PSD3: variants seen among roughly 807,000 people sequenced by gnomAD.
PSD3 encodes the protein PH and SEC7 domain-containing protein 3.
A neutral mutation model predicts 105.5 loss-of-function variants in PSD3; 49 were observed. The ratio of observed to expected loss-of-function variants is 0.46; its 90% CI spans 0.37 to 0.59. PSD3 has a LOEUF of 0.59. Ranked by LOEUF, PSD3 falls within the 20% of genes least tolerant of loss-of-function variation. PSD3 has a pLI of 0.00. For missense variants in PSD3, 1,561 were observed against 1,263.8 expected (o/e 1.24, Z -3.57); for synonymous variants, 557 against 457.8 (o/e 1.22, Z -2.77).
Position 18,868,044 on chromosome 8 carries a change from T to C in PSD3, c.1264A>G (p.Lys422Glu), listed in dbSNP as rs767886463. The C allele has an allele frequency of 3.1e-6, 5 of 1,609,894 alleles. No homozygotes were observed. In the East Asian group the frequency reaches 8.9e-5, roughly 29 times the overall value. The change falls in exon 4 of 16, where the codon AAG becomes GAG. Residue 422 changes from lysine (K) to glutamate (E), a missense_variant. By Grantham distance (56) the Lys-to-Glu change is moderately conservative (BLOSUM62 1). Transcript: ENST00000327040. ...ERISEQEEHV[K>E]GEDEDILGPG... ...CCAAGGATGTCTTCATCTTCCCCCT[T>C]AACGTGCTCCTCTTGTTCGCTGATC... is the stretch of plus-strand genomic sequence containing the variant.
At chr8:18,927,064 A>G (rs1821414530) in intron 2 of PSD3, among the ~76,000 whole-genome samples, 1 of 152,098 alleles carries the variant, frequency 6.6e-6, no homozygotes, top group South Asian at 2.1e-4. Flanking sequence ...GCTTATTATA[A>G]AGGGTATTAC....
At chr8:18,850,493 C>G (rs1355281423) in intron 4 of PSD3, among the ~76,000 whole-genome samples, 1 of 152,156 alleles carries the variant, frequency 6.6e-6, no homozygotes, top group Non-Finnish European at 1.5e-5. Context: ...ACCCTGTCAC[C>G]CTTAAGAGAT....
chr8:18,943,472 T>C (rs1339540888), intron 1 of PSD3, among the ~76,000 whole-genome samples: 2 of 152,068 alleles, frequency 1.3e-5, no homozygotes, highest in East Asian at 3.9e-4. Flanking sequence ...GCAAATGATC[T>C]AGTGATAACT....
intron 4 of PSD3, among the ~76,000 whole-genome samples, chr8:18,846,700 A>G (rs550449659): frequency 1.3e-5 from 2 of 152,338 alleles, no homozygotes; most frequent in East Asian, 3.9e-4. Context: ...CTGCCTGGAT[A>G]GAAGTTGCAG....
Position 18,865,286 on chromosome 8 carries a change from A to ATTTTT in PSD3, c.1634+2383_1634+2387dup, listed in dbSNP as rs375872604. The ATTTTT allele has an allele frequency of 2.7e-3, 38 of 14,104 alleles. 6 individuals are homozygous for ATTTTT. Among genetic ancestry groups the ATTTTT allele is most frequent in the South Asian group, 4.4e-3 (1 of 228 alleles). The allele number at this position is 14,104 out of a possible 1,614,324, so 0.9% of individuals were successfully genotyped here. On this transcript the variant is annotated intron_variant, in intron 4 of 15. Transcript: ENST00000327040. ...TATATATATATATATATATATATAT[A>ATTTTT]TTTTTTTTTTTTTTTTTTTTTTTAA...
intron 11 of PSD3, among the ~76,000 whole-genome samples, chr8:18,622,441 C>G (rs1806182015): frequency 6.6e-6 from 1 of 152,156 alleles, no homozygotes; most frequent in Admixed American, 6.5e-5. Flanking sequence ...TTGTGCTGTG[C>G]TAGATGAGAA....
intron 1 of PSD3, among the ~76,000 whole-genome samples, chr8:18,959,164 G>T (rs576812776): frequency 6.6e-6 from 1 of 152,058 alleles, no homozygotes; most frequent in African/African-American, 2.4e-5. Flanking sequence ...CAAGTGACCC[G>T]CCCGACTCGG....
At chr8:18,777,198 A>G (rs2129444934) in intron 8 of PSD3, among the ~76,000 whole-genome samples, 1 of 151,904 alleles carries the variant, frequency 6.6e-6, no homozygotes, top group East Asian at 1.9e-4. Context: ...ATGCACCACC[A>G]CGCCCAGCTA....
intron 4 of PSD3, among the ~76,000 whole-genome samples, chr8:18,860,319 A>G (rs1816343208): frequency 6.6e-6 from 1 of 152,192 alleles, no homozygotes; most frequent in South Asian, 2.1e-4. Flanking sequence ...CATAACAGAT[A>G]TAACAGTAAT....
intron 2 of PSD3, among the ~76,000 whole-genome samples, chr8:18,916,731 G>A (rs150336438): frequency 0.047 from 7,079 of 152,004 alleles, 205 homozygotes; most frequent in Admixed American, 0.081. Flanking sequence ...GATCTTAAAT[G>A]TTCCCACCAC....
At chr8:18,938,105 A>T (rs1822271826) in intron 1 of PSD3, among the ~76,000 whole-genome samples, 2 of 152,206 alleles carry the variant, frequency 1.3e-5, no homozygotes, top group Admixed American at 6.5e-5. Flanking sequence ...TTTATGGGAT[A>T]CAGTGATTCA....
At chr8:18,746,962 T>A (rs1805082014) in intron 9 of PSD3, among the ~76,000 whole-genome samples, 1 of 152,218 alleles carries the variant, frequency 6.6e-6, no homozygotes, top group Non-Finnish European at 1.5e-5. Flanking sequence ...TTTCTCAGCA[T>A]GTTTGTGCTT....
At chr8:18,761,440 C>A (rs1272468141) in intron 9 of PSD3, among the ~76,000 whole-genome samples, 2 of 152,106 alleles carry the variant, frequency 1.3e-5, no homozygotes, top group Non-Finnish European at 2.9e-5. Context: ...AGCTAACAGA[C>A]AATACTTACT....
At chr8:18,620,096 C>G (rs777446514) in intron 11 of PSD3, among the ~76,000 whole-genome samples, 1 of 152,170 alleles carries the variant, frequency 6.6e-6, no homozygotes, top group Non-Finnish European at 1.5e-5. Flanking sequence ...CTCAAGCATT[C>G]CTGTCTACTC....
chr8:19,015,030 A>T (rs1827131780), upstream of PSD3, among the ~76,000 whole-genome samples: 1 of 152,094 alleles, frequency 6.6e-6, no homozygotes, highest in Non-Finnish European at 1.5e-5. Flanking sequence ...TTGGGCATTG[A>T]TATGGTTTGG....
At chr8:19,065,801 T>A (rs1473531633) in intron 1 of PSD3, among the ~76,000 whole-genome samples, 1 of 152,150 alleles carries the variant, frequency 6.6e-6, no homozygotes, top group Non-Finnish European at 1.5e-5. Flanking sequence ...ATTAAAACAC[T>A]GGTCACTGAT....
chr8:18,819,968 T>G (rs1009755748), intron 4 of PSD3, among the ~76,000 whole-genome samples: 2 of 152,326 alleles, frequency 1.3e-5, no homozygotes, highest in South Asian at 4.1e-4. Context: ...AAAATTATAC[T>G]GTTGGTTTAA....
In PSD3 at chr8:18,866,739, A is replaced by T. The variant is rs1563362235; in HGVS notation, c.1634+935T>A. On this transcript the variant is annotated intron_variant, in intron 4 of 15. Coordinates refer to ENST00000327040, the MANE Select transcript of PSD3 (RefSeq NM_015310.4). Reference sequence around the variant, plus strand: ...TGCTCAGCACAGGGCAGACTGCTCAAAAAGAGAGGTCCATTGAAAACCTGT... The same window carrying T: ...TGCTCAGCACAGGGCAGACTGCTCATAAAGAGAGGTCCATTGAAAACCTGT... Among the ~76,000 whole-genome samples, 3 of 152,186 alleles carry T rather than the reference A, an allele frequency of 2.0e-5. No homozygotes were observed. In the East Asian group the frequency reaches 5.8e-4, roughly 29 times the overall value.
At chr8:18,580,681 T>C (rs1802756593) in intron 12 of PSD3, among the ~76,000 whole-genome samples, 1 of 152,170 alleles carries the variant, frequency 6.6e-6, no homozygotes, top group Non-Finnish European at 1.5e-5. Context: ...AGGACACAGT[T>C]CCTGATCTGT....
Sources: gnomAD v4.1 joint callset for allele counts (sites outside exome capture counted in the v4.1 genomes callset) on GRCh38, gnomAD v4.1.1 for gene constraint, MANE v1.5 for transcripts, NCBI Gene and HGNC (gene_info 2026-07-23, HGNC 2026-07-21) for gene names.